The following BICD2 variants were observed in gnomAD, a reference collection of about 807,000 sequenced individuals.
BICD2 encodes the protein protein bicaudal D homolog 2.
Under a neutral mutation model 72.9 loss-of-function variants are expected in BICD2, and 25 were observed. That is an observed-to-expected ratio of 0.34 (90% confidence interval 0.25 to 0.48). The LOEUF is 0.48. Ranked by LOEUF, BICD2 falls within the 20% of genes least tolerant of loss-of-function variation. The pLI is 0.99. For missense variants in BICD2, 894 were observed against 1,175.2 expected, an observed-to-expected ratio of 0.76 and a Z score of 3.50; for synonymous variants, 501 against 516.1, an observed-to-expected ratio of 0.97 and a Z score of 0.40.
At chr9:92,732,335 T>C (rs1005244260) in intron 1 of BICD2, among the ~76,000 whole-genome samples, 2 of 151,970 alleles carry the variant, frequency 1.3e-5, no homozygotes, top group African/African-American at 4.8e-5. Context: ...TATGACACAA[T>C]TTCAAGAAGC....
chr9:92,733,198 G>A (rs1853709297), intron 1 of BICD2, among the ~76,000 whole-genome samples: 1 of 152,128 alleles, frequency 6.6e-6, no homozygotes, highest in African/African-American at 2.4e-5. Context: ...TCATATATAT[G>A]GTCAATTGAT....
chr9:92,758,929 G>A (rs903387961), intron 1 of BICD2, among the ~76,000 whole-genome samples: 3 of 151,600 alleles, frequency 2.0e-5, no homozygotes, highest in South Asian at 2.1e-4. Flanking sequence ...AGGCCAAGGC[G>A]GGAGGATCGC....
intron 1 of BICD2, among the ~76,000 whole-genome samples, chr9:92,763,337 G>C (rs920852873): frequency 6.6e-6 from 1 of 152,178 alleles, no homozygotes; most frequent in Non-Finnish European, 1.5e-5. Context: ...TGGAAACCAA[G>C]AGCCAAGGGC....
At chr9:92,727,708 C>T (rs1342306794) in intron 2 of BICD2, among the ~76,000 whole-genome samples, 1 of 152,188 alleles carries the variant, frequency 6.6e-6, no homozygotes, top group Non-Finnish European at 1.5e-5. Flanking sequence ...CCCCTCTTGC[C>T]CCCAAGACAG....
chr9:92,760,445 G>A (rs972938247), intron 1 of BICD2, among the ~76,000 whole-genome samples: 1 of 152,186 alleles, frequency 6.6e-6, no homozygotes, highest in Non-Finnish European at 1.5e-5. Flanking sequence ...GGATGATTGA[G>A]ATACACAAGT....
At chr9:92,719,863 A>G (rs1853422478) in intron 4 of BICD2, among the ~76,000 whole-genome samples, 1 of 152,234 alleles carries the variant, frequency 6.6e-6, no homozygotes, top group Non-Finnish European at 1.5e-5. Context: ...TGGGCTAAGA[A>G]AGTGGAGCTC....
At chr9:92,740,109 T>TA (rs1853870208) in intron 1 of BICD2, among the ~76,000 whole-genome samples, 1 of 152,124 alleles carries the variant, frequency 6.6e-6, no homozygotes, top group Non-Finnish European at 1.5e-5. Flanking sequence ...CATCAAAGTG[T>TA]CAACCACGCA....
intron 5 of BICD2, 108 bp from the exon 6 acceptor site, chr9:92,718,056 G>T (rs1853359964): frequency 7.2e-7 from 1 of 1,385,084 alleles, no homozygotes; most frequent in Non-Finnish European, 9.8e-7. Context: ...CAGTGCCTGG[G>T]AAGAAAGCTC....
intron 3 of BICD2, 47 bp downstream of exon 3, chr9:92,722,609 C>T: frequency 6.2e-7 from 1 of 1,611,306 alleles, no homozygotes; most frequent in Non-Finnish European, 8.5e-7. Context: ...GTCCTCAAGG[C>T]CCAGTTAACC....
Position 92,715,271 on chromosome 9 carries a change from G to T in BICD2, c.2451C>A (p.Thr817=). 1.9e-6 allele frequency: 3 copies of T among 1,612,816 alleles called. No individual in the cohort carries two copies. The highest frequency in any genetic ancestry group is 2.5e-6 in the Non-Finnish European group (3 of 1,179,842). The change falls in exon 7 of 7, where the codon ACC becomes ACA. Residue 817 remains threonine, a synonymous_variant. Transcript: ENST00000356884. ...GACTTACGCTCGGTGTGGCTGGCTT[G>T]GTCTTCGGGGCGGCTTTGGCACGGC... ...RRGRAKAAPK[T]KPATPSVSHT...
intron 3 of BICD2, 61 bp downstream of exon 3, chr9:92,722,595 A>G: frequency 6.2e-7 from 1 of 1,606,018 alleles, no homozygotes; most frequent in Non-Finnish European, 8.5e-7. Flanking sequence ...GGGCTGAGCA[A>G]GAGGTCCTCA....
intron 1 of BICD2, among the ~76,000 whole-genome samples, chr9:92,742,027 AAGAAAATTATAAAAATACTAATG>A (rs1293063935): frequency 4.6e-5 from 7 of 152,244 alleles, no homozygotes; most frequent in Non-Finnish European, 7.3e-5. Context: ...GATTTATCCA[AAGAAAATTATAAAAATACTAATG>A]AGAAAATTAT....
intron 1 of BICD2, among the ~76,000 whole-genome samples, chr9:92,753,548 A>ATTTTG (rs1200712083): frequency 6.6e-6 from 1 of 151,682 alleles, no homozygotes; most frequent in African/African-American, 2.4e-5. Flanking sequence ...ATTTTATTTT[A>ATTTTG]TTTTTTTTGA....
At chr9:92,715,597 A>C in intron 6 of BICD2, 134 bp from the exon 7 acceptor site, 1 of 866,178 alleles carries the variant, frequency 1.2e-6, no homozygotes, top group African/African-American at 1.7e-5. Context: ...TCTGGACTGG[A>C]GGGTGTGGCT....
At chr9:92,730,854 C>G (rs933472414) in intron 1 of BICD2, among the ~76,000 whole-genome samples, 1 of 152,136 alleles carries the variant, frequency 6.6e-6, no homozygotes, top group Admixed American at 6.5e-5. Context: ...TGCTCACCTG[C>G]CCCCACCCAT....
At position 92,714,817 on chromosome 9, in the gene BICD2, A is replaced by G. The variant is rs1853268257; in HGVS notation, c.*337T>C. 1.5e-5 allele frequency: 16 copies of G among 1,072,824 alleles called. No individual in the cohort carries two copies. Among genetic ancestry groups the G allele is most frequent in the Non-Finnish European group, 1.8e-5 (16 of 886,070 alleles). 66.5% of individuals were successfully genotyped at this position (1,072,824 alleles called of 1,614,324 possible). A position where few individuals can be genotyped will look rare whatever the true frequency, so the allele number is the denominator to read the frequency against. ...TTTTGGGTGCTGAGGGAGCAGGACC[A>G]GGACTCCTCCCTTGGGTTTCCCCAC... On this transcript the variant is annotated 3_prime_UTR_variant, in exon 7 of 7. Transcript: ENST00000356884.
intron 1 of BICD2, among the ~76,000 whole-genome samples, chr9:92,748,345 G>A (rs1204968258): frequency 2.0e-5 from 3 of 152,194 alleles, no homozygotes; most frequent in Admixed American, 2.0e-4. Flanking sequence ...GGTGTAAACT[G>A]CAATGACAGG....
At chr9:92,738,848 GC>G (rs1424881385) in intron 1 of BICD2, among the ~76,000 whole-genome samples, 1 of 152,230 alleles carries the variant, frequency 6.6e-6, no homozygotes, top group Non-Finnish European at 1.5e-5. Context: ...TTCCAATGAG[GC>G]AGGACTTGTT....
At chr9:92,759,261 C>T (rs1854323778) in intron 1 of BICD2, among the ~76,000 whole-genome samples, 1 of 152,152 alleles carries the variant, frequency 6.6e-6, no homozygotes, top group African/African-American at 2.4e-5. Context: ...GTGTCTTGTA[C>T]ACATCACACA....
Sources: allele counts gnomAD v4.1 joint callset (sites outside exome capture counted in the v4.1 genomes callset), GRCh38; gene constraint gnomAD v4.1.1; transcripts MANE v1.5; gene names NCBI Gene and HGNC (gene_info 2026-07-23, HGNC 2026-07-21).